NPTX2: variants seen among roughly 807,000 people sequenced by gnomAD.
NPTX2 encodes the protein neuronal pentraxin-2.
In NPTX2, 23 loss-of-function variants were observed where a neutral mutation model predicts 38.1. The ratio of observed to expected loss-of-function variants is 0.60; its 90% CI spans 0.43 to 0.85. The LOEUF is 0.85. Ranked by LOEUF, NPTX2 falls within the 40% of genes least tolerant of loss-of-function variation. The pLI is 0.00. For missense variants in NPTX2, 553 were observed against 615.3 expected (o/e 0.90, Z 1.07); for synonymous variants, 291 against 287.3 (o/e 1.01, Z -0.13).
chr7:98,617,762 A>T lies in NPTX2; in HGVS notation c.301A>T (p.Lys101Ter). Residue 101 changes from lysine to a stop codon, truncating the protein, a stop_gained, in exon 1 of 5, where the codon AAG (lysine) becomes TAG (stop). Coordinates refer to ENST00000265634, the MANE Select transcript of NPTX2 (RefSeq NM_002523.3). LOFTEE classifies it high-confidence loss of function. ...LARCEGLAGG[K>*]ARGAGATGKD... is the part of the protein sequence containing the mutation. ...GCGCTGCGAGGGGCTGGCGGGCGGC[A>T]AGGCGCGCGGCGCGGGGGCCACGGG... 7.0e-7 allele frequency: 1 copy of T among 1,431,798 alleles called. No individual in the cohort carries two copies. The highest frequency in any genetic ancestry group is 9.0e-7 in the Non-Finnish European group (1 of 1,105,942). 88.7% of individuals were successfully genotyped at this position (1,431,798 alleles called of 1,614,324 possible).
chr7:98,618,411 G>A (rs1791211861), intron 1 of NPTX2, among the ~76,000 whole-genome samples: 1 of 152,178 alleles, frequency 6.6e-6, no homozygotes, highest in African/African-American at 2.4e-5. Flanking sequence ...GTCGCAGGGA[G>A]GCGAGCGCAG....
intron 3 of NPTX2, among the ~76,000 whole-genome samples, chr7:98,626,134 G>A (rs545082121): frequency 5.7e-4 from 71 of 124,416 alleles, no homozygotes; most frequent in Non-Finnish European, 1.0e-3. Context: ...GTGACAGAGC[G>A]ATACCCTGTC....
intron 2 of NPTX2, among the ~76,000 whole-genome samples, chr7:98,623,501 T>C (rs954888036): frequency 2.6e-5 from 4 of 152,192 alleles, no homozygotes; most frequent in Non-Finnish European, 5.9e-5. Context: ...TGACCAGGTG[T>C]GTTCCCCTAA....
intron 2 of NPTX2, 126 bp downstream of exon 2, chr7:98,619,985 T>G: frequency 1.2e-6 from 1 of 810,562 alleles, no homozygotes; most frequent in East Asian, 2.7e-5. Context: ...CCCGAGTGTG[T>G]GAGCAAATAA....
chr7:98,618,516 C>G (rs928804230), intron 1 of NPTX2, among the ~76,000 whole-genome samples: 6 of 148,914 alleles, frequency 4.0e-5, no homozygotes, highest in Non-Finnish European at 7.4e-5. Flanking sequence ...TTTTAAGGTG[C>G]TCTTCCGGAT....
At chr7:98,625,519 G>T (rs903003880) in intron 3 of NPTX2, among the ~76,000 whole-genome samples, 1 of 152,184 alleles carries the variant, frequency 6.6e-6, no homozygotes, top group African/African-American at 2.4e-5. Context: ...TTAAGGGGGT[G>T]TGTGTGTCTC....
intron 2 of NPTX2, among the ~76,000 whole-genome samples, chr7:98,624,525 C>A (rs190132128): frequency 2.2e-4 from 33 of 152,214 alleles, no homozygotes; most frequent in African/African-American, 7.2e-4. Flanking sequence ...GTCCTTGGGG[C>A]CCTGTACTTG....
rs1036808852 is a variant in NPTX2 at position 98,629,768 on chromosome 7, G to T, written c.*1139G>T. ...TACATGTTTGAAGTGCAAATCTGTG[G>T]ATATTCCATTTGTAGGACCAAGTCG... On this transcript the variant is annotated 3_prime_UTR_variant, in exon 5 of 5. Transcript: ENST00000265634. The T allele has an allele frequency of 6.6e-6, 1 of 152,412 alleles. No individual in the cohort carries two copies. The highest frequency in any genetic ancestry group is 6.5e-5 in the Admixed American group (1 of 15,270). 9.4% of individuals were successfully genotyped at this position (152,412 alleles called of 1,614,324 possible). A position where few individuals can be genotyped will look rare whatever the true frequency, so the allele number is the denominator to read the frequency against.
chr7:98,624,800 G>A, intron 2 of NPTX2, 122 bp from the exon 3 acceptor site: 1 of 1,214,226 alleles, frequency 8.2e-7, no homozygotes, highest in Non-Finnish European at 1.2e-6. Context: ...GCTTGCTGGA[G>A]GGTCCATCAA....
chr7:98,627,615 G>A (rs1185333717), intron 4 of NPTX2, among the ~76,000 whole-genome samples: 1 of 152,186 alleles, frequency 6.6e-6, no homozygotes, highest in East Asian at 1.9e-4. Context: ...CTGCATGGCA[G>A]GGACCAGGTG....
chr7:98,619,600 T>C, intron 1 of NPTX2, 43 bp from the exon 2 acceptor site: 1 of 1,541,164 alleles, frequency 6.5e-7, no homozygotes, highest in Non-Finnish European at 9.0e-7. Context: ...CAATTTCTTT[T>C]TAACTCTTTC....
At chr7:98,625,912 G>A (rs1336209535) in intron 3 of NPTX2, among the ~76,000 whole-genome samples, 1 of 152,030 alleles carries the variant, frequency 6.6e-6, no homozygotes, top group Non-Finnish European at 1.5e-5. Context: ...TTGGGAGGCC[G>A]AGGCAGGAGG....
At position 98,629,145 on chromosome 7, in the gene NPTX2, G is replaced by A. The variant is rs1212404146; in HGVS notation, c.*516G>A. On this transcript the variant is annotated 3_prime_UTR_variant, in exon 5 of 5. Transcript: ENST00000265634. Reference sequence around the variant, plus strand: ...TCTGCAAAAGGGCCTCTCCCTTTGTGTTCTATACATTGTGAATCTTCCCGT... The same window carrying A: ...TCTGCAAAAGGGCCTCTCCCTTTGTATTCTATACATTGTGAATCTTCCCGT... 1 of 152,700 alleles carries A rather than the reference G, an allele frequency of 6.5e-6. No individual in the cohort carries two copies. The highest frequency in any genetic ancestry group is 2.4e-5 in the African/African-American group (1 of 41,456). The allele number at this position is 152,700 out of a possible 1,614,324, so 9.5% of individuals were successfully genotyped here. A position where few individuals can be genotyped will look rare whatever the true frequency, so the allele number is the denominator to read the frequency against.
chr7:98,627,197 C>G lies in NPTX2; in HGVS notation c.921C>G (p.Gly307=). ...VAQLPLFVSD[G]KWHHICVTWT... ...AGCTGCCCCTGTTTGTCAGTGACGG[C>G]AAGTGGCACCACATCTGTGTCACCT... Residue 307 remains glycine (G), a synonymous_variant, in exon 4 of 5, where the codon GGC becomes GGG. Transcript: ENST00000265634. 1 of 1,613,548 alleles carries G rather than the reference C, an allele frequency of 6.2e-7. No homozygotes were observed. Among genetic ancestry groups the G allele is most frequent in the Non-Finnish European group, 8.5e-7 (1 of 1,179,550 alleles).
chr7:98,623,138 C>A (rs547367570), intron 2 of NPTX2, among the ~76,000 whole-genome samples: 1 of 152,336 alleles, frequency 6.6e-6, no homozygotes, highest in African/African-American at 2.4e-5. Context: ...CCGCCTGTCT[C>A]TGATGGCCTC....
chr7:98,628,355 G>A (rs1300882804), intron 4 of NPTX2, 47 bp from the exon 5 acceptor site: 1 of 880,854 alleles, frequency 1.1e-6, no homozygotes, highest in East Asian at 2.6e-5. Flanking sequence ...TGTGCAGGGG[G>A]ACTTGTGAAC....
At chr7:98,627,730 G>A (rs1033800020) in intron 4 of NPTX2, among the ~76,000 whole-genome samples, 3 of 152,196 alleles carry the variant, frequency 2.0e-5, no homozygotes, top group Admixed American at 6.5e-5. Context: ...TTCCATCTGG[G>A]AGGAGGCTGT....
chr7:98,618,263 C>G (rs981201377), intron 1 of NPTX2, among the ~76,000 whole-genome samples: 5 of 151,974 alleles, frequency 3.3e-5, no homozygotes, highest in Non-Finnish European at 7.4e-5. Flanking sequence ...CAAATCTCCG[C>G]GAGCCGGGAT....
Position 98,617,569 on chromosome 7 carries a change from G to T in NPTX2, c.108G>T (p.Ala36=). ...TGTGCACGGCACTGCCCCCAGAGGC[G>T]GTGCACGCCGGCTGCCCGCTGCCCG... ...RFVCTALPPE[A]VHAGCPLPAM... is the part of the protein sequence containing the mutation. Residue 36 remains alanine, a synonymous_variant, in exon 1 of 5, where the codon GCG becomes GCT. Coordinates refer to ENST00000265634, the MANE Select transcript of NPTX2 (RefSeq NM_002523.3). 6.8e-7 allele frequency: 1 copy of T among 1,479,232 alleles called. No individual in the cohort carries two copies. Among genetic ancestry groups the T allele is most frequent in the Non-Finnish European group, 8.9e-7 (1 of 1,122,138 alleles). 91.6% of individuals were successfully genotyped at this position (1,479,232 alleles called of 1,614,324 possible).
Sources: gnomAD v4.1 joint callset for allele counts (sites outside exome capture counted in the v4.1 genomes callset) on GRCh38, gnomAD v4.1.1 for gene constraint, MANE v1.5 for transcripts, NCBI Gene and HGNC (gene_info 2026-07-23, HGNC 2026-07-21) for gene names.